Variants in PRKG1 observed in about 807,000 individuals in gnomAD.
PRKG1 encodes protein kinase cGMP-dependent 1, also known as cGMP-dependent protein kinase 1.
PRKG1 carries 35 observed loss-of-function variants against 88.1 expected under a neutral mutation model. That is an observed-to-expected ratio of 0.40 (90% CI 0.30 to 0.53). The LOEUF (loss-of-function observed/expected upper bound fraction) is 0.53, where lower values mean the gene tolerates loss of function less well. Among genes scored for constraint, PRKG1 ranks in the 20% least tolerant of loss-of-function variants. The probability of loss-of-function intolerance (pLI) is 0.59; values close to 1 mark genes in which losing one functional copy is unlikely to be tolerated. For synonymous variants in PRKG1, 303 were observed against 292.5 expected (o/e 1.04, Z -0.37); for missense variants, 540 against 839.8 (o/e 0.64, Z 4.41).
At chr10:51,953,828 C>G (rs556935417) in intron 5 of PRKG1, among the ~76,000 whole-genome samples, 2 of 151,936 alleles carry the variant, frequency 1.3e-5, no homozygotes, top group Non-Finnish European at 2.9e-5. Context: ...CTATATTATT[C>G]AAACTATGCA....
chr10:51,881,016 C>T (rs1395344154), intron 4 of PRKG1, among the ~76,000 whole-genome samples: 2 of 139,206 alleles, frequency 1.4e-5, no homozygotes, highest in African/African-American at 2.7e-5. Flanking sequence ...GTAGGAGTTA[C>T]TTAGAGAAAA....
rs781061490 is a variant in PRKG1, at chr10:51,198,223, C to T, written c.478+44893C>T. ...AGCTTCTTGGCTTTCTTAGACTCAA[C>T]TGGAGTTTGTCATATCTTCTCCCCT... On this transcript the variant is annotated intron_variant, in intron 2 of 17. Transcript: ENST00000373980. 1.3e-3 allele frequency among the ~76,000 whole-genome samples: 198 copies of T among 152,206 alleles called. 2 individuals are homozygous for T. Among genetic ancestry groups the T allele is most frequent in the Non-Finnish European group, 2.2e-3 (150 of 67,996 alleles).
Position 51,913,520 on chromosome 10 carries a change from T to A in PRKG1, c.762+5950T>A, listed in dbSNP as rs545799267. Among the ~76,000 whole-genome samples, 9 of 152,304 alleles carry A rather than the reference T, an allele frequency of 5.9e-5. No homozygotes were observed. In the South Asian group the frequency reaches 1.7e-3, roughly 28 times the overall value. ...ATATAACATACTAGAACAATTTCCT[T>A]TGTATAGTGAATCACTCCTTCTTCA... On this transcript the variant is annotated intron_variant, in intron 5 of 17. Coordinates refer to ENST00000373980, the MANE Select transcript of PRKG1 (RefSeq NM_006258.4).
intron 3 of PRKG1, among the ~76,000 whole-genome samples, chr10:51,511,031 C>T (rs562041355): frequency 2.3e-4 from 35 of 151,942 alleles, no homozygotes; most frequent in African/African-American, 8.0e-4. Flanking sequence ...GGATTACAGG[C>T]GTGAGCCGCT....
At chr10:51,410,036 A>T (rs552350636) in intron 2 of PRKG1, among the ~76,000 whole-genome samples, 1 of 151,988 alleles carries the variant, frequency 6.6e-6, no homozygotes, top group South Asian at 2.1e-4. Context: ...CCCAAGTGGC[A>T]GAGCAGCTTG....
At chr10:52,035,715 C>A (rs1295025159) in intron 5 of PRKG1, among the ~76,000 whole-genome samples, 1 of 151,766 alleles carries the variant, frequency 6.6e-6, no homozygotes, top group Non-Finnish European at 1.5e-5. Flanking sequence ...CTGAAGGAGC[C>A]GGGGAGCAGA....
rs60150039 is a variant in PRKG1 at position 51,858,332 on chromosome 10, A to ATT, written c.699-49175_699-49174insTT. ...TATATGTATAATATGTATTATATATAATATATATATTATATAAAATATATA... is the reference window on the plus strand; with the variant it reads ...TATATGTATAATATGTATTATATATATTATATATATATTATATAAAATATATA... On this transcript the variant is annotated intron_variant, in intron 4 of 17. Transcript: ENST00000373980. Among the ~76,000 whole-genome samples, 13 of 27,474 alleles carry ATT rather than the reference A, an allele frequency of 4.7e-4. 2 individuals carry two copies. The highest frequency in any genetic ancestry group is 1.3e-3 in the South Asian group (1 of 776). The allele number at this position is 27,474 out of a possible 152,430, so 18.0% of individuals were successfully genotyped here. A position where few individuals can be genotyped will look rare whatever the true frequency, so the allele number is the denominator to read the frequency against.
intron 5 of PRKG1, among the ~76,000 whole-genome samples, chr10:51,931,818 T>C (rs75128717): frequency 0.018 from 2,712 of 152,282 alleles, 92 homozygotes; most frequent in African/African-American, 0.062. Flanking sequence ...AGATTCACAT[T>C]TATGAAATGT....
At chr10:51,967,328 A>G (rs1005659851) in intron 5 of PRKG1, among the ~76,000 whole-genome samples, 14 of 151,776 alleles carry the variant, frequency 9.2e-5, no homozygotes, top group African/African-American at 3.4e-4. Context: ...ACCAAACACC[A>G]CATGTTCTCA....
rs201176019 is a variant in PRKG1 at position 52,133,805 on chromosome 10, G to T, written c.936-35G>T. 32 of 1,569,210 alleles carry T rather than the reference G, an allele frequency of 2.0e-5. 1 individual carries two copies. In the African/African-American group the frequency reaches 3.1e-4, roughly 15 times the overall value. On this transcript the variant is annotated intron_variant, in intron 7 of 17. Coordinates refer to ENST00000373980, the MANE Select transcript of PRKG1 (RefSeq NM_006258.4). ...TGGACACTGTGCTTTGATATTAAAGGTTATTTTATTTGAATGTCTCTATTT... is the reference window on the plus strand; with the variant it reads ...TGGACACTGTGCTTTGATATTAAAGTTTATTTTATTTGAATGTCTCTATTT...
intron 14 of PRKG1, among the ~76,000 whole-genome samples, chr10:52,286,639 T>C (rs1184304871): frequency 6.6e-6 from 1 of 152,030 alleles, no homozygotes; most frequent in Non-Finnish European, 1.5e-5. Flanking sequence ...ACTATAGGTA[T>C]ACTTATTTCT....
chr10:52,158,986 T>C (rs1838203233), intron 8 of PRKG1, among the ~76,000 whole-genome samples: 1 of 151,430 alleles, frequency 6.6e-6, no homozygotes, highest in African/African-American at 2.4e-5. Flanking sequence ...TAAATACTTA[T>C]GCTATAATAT....
chr10:51,625,368 T>C (rs1839309833), intron 3 of PRKG1, among the ~76,000 whole-genome samples: 1 of 152,080 alleles, frequency 6.6e-6, no homozygotes, highest in African/African-American at 2.4e-5. Context: ...TCCCAGCAAT[T>C]TGGGAGGCTG....
At chr10:52,013,294 C>T (rs2133174826) in intron 5 of PRKG1, among the ~76,000 whole-genome samples, 1 of 152,182 alleles carries the variant, frequency 6.6e-6, no homozygotes, top group East Asian at 1.9e-4. Context: ...TGGTGGACAC[C>T]TGTAGTACCA....
chr10:52,087,280 TA>T (rs1243481778), intron 7 of PRKG1, among the ~76,000 whole-genome samples: 1 of 152,232 alleles, frequency 6.6e-6, no homozygotes, highest in African/African-American at 2.4e-5. Flanking sequence ...TTTTTATTTT[TA>T]ATTGTGAATG....
At chr10:51,786,609 C>T (rs958731320) in intron 3 of PRKG1, among the ~76,000 whole-genome samples, 35 of 152,236 alleles carry the variant, frequency 2.3e-4, no homozygotes, top group Admixed American at 2.1e-3. Context: ...ACTCACCACA[C>T]TATATTGATA....
At chr10:51,650,185 C>A (rs1240674822) in intron 3 of PRKG1, among the ~76,000 whole-genome samples, 1 of 152,288 alleles carries the variant, frequency 6.6e-6, no homozygotes, top group Non-Finnish European at 1.5e-5. Context: ...GAGAACCTAT[C>A]CAGCCTGCCG....
intron 7 of PRKG1, among the ~76,000 whole-genome samples, chr10:52,076,533 G>A (rs1846633477): frequency 6.6e-6 from 1 of 152,152 alleles, no homozygotes; most frequent in African/African-American, 2.4e-5. Flanking sequence ...CTCCAGCCTG[G>A]GCAACAGAGC....
intron 2 of PRKG1, among the ~76,000 whole-genome samples, chr10:51,374,093 A>AAAAAAATATATATATAT: frequency 1.0e-3 from 104 of 100,142 alleles, no homozygotes; most frequent in African/African-American, 3.3e-3. Context: ...AAAAAAAAAA[A>AAAAAAATATATATATAT]ATATATATAT....
Sources: gnomAD v4.1 joint callset for allele counts (sites outside exome capture counted in the v4.1 genomes callset) on GRCh38, gnomAD v4.1.1 for gene constraint, MANE v1.5 for transcripts, NCBI Gene and HGNC (gene_info 2026-07-23, HGNC 2026-07-21) for gene names.